The following EXT1 variants were observed in gnomAD, a reference collection of about 807,000 sequenced individuals.
EXT1 encodes the protein exostosin-1.
A neutral mutation model predicts 82.5 loss-of-function variants in EXT1; 20 were observed. The observed-to-expected ratio is 0.24, with a 90% CI of 0.17 to 0.35. EXT1 has a LOEUF of 0.35. Among genes scored for constraint, EXT1 ranks in the 10% least tolerant of loss-of-function variants. The probability of loss-of-function intolerance (pLI) is 1.00; values close to 1 mark genes in which losing one functional copy is unlikely to be tolerated. For synonymous variants in EXT1, 348 were observed against 350.8 expected (o/e 0.99, Z 0.09); for missense variants, 757 against 936.5 (o/e 0.81, Z 2.50).
intron 1 of EXT1, among the ~76,000 whole-genome samples, chr8:117,948,482 G>A (rs1281432171): frequency 1.3e-5 from 2 of 152,142 alleles, no homozygotes; most frequent in Non-Finnish European, 2.9e-5. Context: ...ATCTAAGAAC[G>A]TTCTGGACCT....
At chr8:118,064,430 T>G (rs1816939716) in intron 1 of EXT1, among the ~76,000 whole-genome samples, 2 of 152,182 alleles carry the variant, frequency 1.3e-5, no homozygotes, top group African/African-American at 4.8e-5. Context: ...CATGCAGTGT[T>G]TGGTTTTCTG....
chr8:117,913,608 T>C (rs992319248), intron 1 of EXT1, among the ~76,000 whole-genome samples: 2 of 152,162 alleles, frequency 1.3e-5, no homozygotes, highest in African/African-American at 4.8e-5. Flanking sequence ...TCCATCTCCA[T>C]GATTCATGCC....
chr8:117,863,641 A>C (rs778562789), intron 1 of EXT1, among the ~76,000 whole-genome samples: 4 of 152,062 alleles, frequency 2.6e-5, no homozygotes, highest in Non-Finnish European at 4.4e-5. Flanking sequence ...GGACTCCCCA[A>C]AGGACAGTAA....
chr8:117,849,113 ATTC>A (rs1401416647), intron 1 of EXT1, among the ~76,000 whole-genome samples: 1 of 152,140 alleles, frequency 6.6e-6, no homozygotes, highest in African/African-American at 2.4e-5. Context: ...TCTGCCTGGA[ATTC>A]TTCTCCAGGA....
chr8:118,106,766 A>C (rs1817808818), intron 1 of EXT1, among the ~76,000 whole-genome samples: 1 of 152,220 alleles, frequency 6.6e-6, no homozygotes, highest in Admixed American at 6.5e-5. Flanking sequence ...AAGTAGCTGA[A>C]AGAACATAAA....
chr8:117,838,863 A>C lies in EXT1; in HGVS notation c.963-1662T>G, dbSNP rs17474686. Reference sequence around the variant, plus strand: ...AGAAAGGTCGAATATACTTCAGACTACAGCAAGGTTTAATAAGTACCCAGA... The same window carrying C: ...AGAAAGGTCGAATATACTTCAGACTCCAGCAAGGTTTAATAAGTACCCAGA... On this transcript the variant is annotated intron_variant, in intron 1 of 10. Transcript: ENST00000378204. 8.8e-3 allele frequency among the ~76,000 whole-genome samples: 1,336 copies of C among 152,266 alleles called. 20 individuals carry two copies. Among genetic ancestry groups the C allele is most frequent in the African/African-American group, 0.03 (1,239 of 41,536 alleles).
At chr8:117,963,674 G>C (rs1484705672) in intron 1 of EXT1, among the ~76,000 whole-genome samples, 2 of 152,016 alleles carry the variant, frequency 1.3e-5, no homozygotes, top group South Asian at 4.1e-4. Flanking sequence ...ATTTTTAGTG[G>C]AGATGGGGTT....
intron 1 of EXT1, among the ~76,000 whole-genome samples, chr8:117,873,654 C>T (rs1812916065): frequency 2.6e-5 from 4 of 151,986 alleles, no homozygotes; most frequent in African/African-American, 9.7e-5. Context: ...CAGGGTTTTG[C>T]CATGTTGGCC....
intron 1 of EXT1, among the ~76,000 whole-genome samples, chr8:118,042,779 T>C (rs1816556367): frequency 1.3e-5 from 2 of 152,346 alleles, no homozygotes; most frequent in South Asian, 2.1e-4. Flanking sequence ...AACTCCAAGA[T>C]GGACAGTTGC....
At chr8:117,932,161 T>C (rs1321326741) in intron 1 of EXT1, among the ~76,000 whole-genome samples, 1 of 152,000 alleles carries the variant, frequency 6.6e-6, no homozygotes. Context: ...ATATTTGAGG[T>C]TTTTGGGGGG....
chr8:118,028,532 A>T (rs980742648), intron 1 of EXT1, among the ~76,000 whole-genome samples: 1 of 151,990 alleles, frequency 6.6e-6, no homozygotes, highest in Non-Finnish European at 1.5e-5. Context: ...TACATATGAC[A>T]CTAGTGTATA....
intron 1 of EXT1, among the ~76,000 whole-genome samples, chr8:118,007,098 C>A (rs1231237735): frequency 6.6e-6 from 1 of 152,074 alleles, no homozygotes; most frequent in Non-Finnish European, 1.5e-5. Context: ...GAGATCGAGA[C>A]CATCTTGGCT....
intron 1 of EXT1, among the ~76,000 whole-genome samples, chr8:118,104,838 T>C (rs757686103): frequency 5.9e-5 from 9 of 152,216 alleles, no homozygotes; most frequent in Non-Finnish European, 1.2e-4. Flanking sequence ...GCTTCTGTGT[T>C]CATGTTTGAA....
intron 1 of EXT1, among the ~76,000 whole-genome samples, chr8:118,108,078 ATTAG>A (rs978269201): frequency 7.2e-5 from 11 of 152,322 alleles, no homozygotes; most frequent in Admixed American, 5.9e-4. Flanking sequence ...GAGGTCAAAA[ATTAG>A]TTAAATTTAG....
chr8:117,868,904 G>A (rs1463989585), intron 1 of EXT1, among the ~76,000 whole-genome samples: 1 of 152,146 alleles, frequency 6.6e-6, no homozygotes, highest in African/African-American at 2.4e-5. Context: ...CCCACTGCCA[G>A]GCCACATTAA....
At position 117,799,758 on chromosome 8, in the gene EXT1, T is replaced by G; in HGVS notation, c.2195A>C (p.Gln732Pro). 1 of 1,614,174 alleles carries G rather than the reference T, an allele frequency of 6.2e-7. No individual in the cohort carries two copies. Among genetic ancestry groups the G allele is most frequent in the South Asian group, 1.1e-5 (1 of 91,072 alleles). ...GTATTTCTTCCTCAAAATAGAGACC[T>G]GGTCTTTAAAGAGGACGGGGTCGAG... ...MRLDPVLFKD[Q>P]VSILRKKYRD... Residue 732 changes from glutamine (Q) to proline (P), a missense_variant, in exon 11 of 11, where the codon CAG becomes CCG. Gln to Pro is a moderately conservative substitution (Grantham distance 76). This residue lies in a region of EXT1 where 128 missense variants were observed against 223.2 expected (regional missense o/e 0.57). Transcript: ENST00000378204.
At chr8:118,095,028 GTGC>G (rs1817585338) in intron 1 of EXT1, among the ~76,000 whole-genome samples, 1 of 152,154 alleles carries the variant, frequency 6.6e-6, no homozygotes, top group Non-Finnish European at 1.5e-5. Context: ...AGACATACAT[GTGC>G]ATGTACAGAT....
chr8:117,799,699 T>A lies in EXT1; in HGVS notation c.*13A>T. 2 of 1,613,510 alleles carry A rather than the reference T, an allele frequency of 1.2e-6. No homozygotes were observed. The highest frequency in any genetic ancestry group is 1.7e-6 in the Non-Finnish European group (2 of 1,179,728). On this transcript the variant is annotated 3_prime_UTR_variant, in exon 11 of 11. Coordinates refer to ENST00000378204, the MANE Select transcript of EXT1 (RefSeq NM_000127.3). The stretch of plus-strand genomic sequence containing the variant: ...TCCCTTCTTGCTTCCCCTCCCCCAC[T>A]CAGCCGGATTCCTCAAAGTCGCTCA...
intron 1 of EXT1, among the ~76,000 whole-genome samples, chr8:117,844,825 G>A (rs1280263833): frequency 4.6e-5 from 7 of 152,088 alleles, no homozygotes; most frequent in African/African-American, 7.2e-5. Flanking sequence ...GATGCTTGGC[G>A]TCCCCAAGCA....
Sources: gnomAD v4.1 joint callset for allele counts (sites outside exome capture counted in the v4.1 genomes callset) on GRCh38, gnomAD v4.1.1 for gene constraint, gnomAD v4.1.1 regional missense constraint, MANE v1.5 for transcripts, NCBI Gene and HGNC (gene_info 2026-07-23, HGNC 2026-07-21) for gene names.